FNDC3A: variants seen among roughly 807,000 people sequenced by gnomAD.
The protein encoded by FNDC3A is fibronectin type III domain containing 3A.
A neutral mutation model predicts 148.9 loss-of-function variants in FNDC3A; 32 were observed. The ratio of observed to expected loss-of-function variants is 0.21; its 90% confidence interval spans 0.16 to 0.29. FNDC3A has a LOEUF of 0.29. Among genes scored for constraint, FNDC3A ranks in the 10% least tolerant of loss-of-function variants. The probability of loss-of-function intolerance (pLI) is 1.00; values close to 1 mark genes in which losing one functional copy is unlikely to be tolerated. For synonymous variants in FNDC3A, 472 were observed against 473.6 expected (o/e 1.00, Z 0.04); for missense variants, 1,191 against 1,452.8 (o/e 0.82, Z 2.93).
intron 5 of FNDC3A, among the ~76,000 whole-genome samples, chr13:49,134,841 CTTTTTTTTTTTTTTT>C (rs1168216037): frequency 3.8e-4 from 1 of 2,638 alleles, no homozygotes; most frequent in South Asian, 0.026. Context: ...GAGTTTCACT[CTTTTTTTTTTTTTTT>C]TTTTTTTTTT....
chr13:49,178,683 G>T, intron 14 of FNDC3A, 29 bp downstream of exon 14: 1 of 1,243,368 alleles, frequency 8.0e-7, no homozygotes, highest in Non-Finnish European at 1.1e-6. Flanking sequence ...TAAACGATTT[G>T]TTCCTTGTTC....
In FNDC3A at chr13:49,041,505, A is replaced by T. The variant is rs116961347; in HGVS notation, c.100-33784A>T. Among the ~76,000 whole-genome samples, 687 of 152,350 alleles carry T rather than the reference A, an allele frequency of 4.5e-3. 2 individuals carry two copies. The highest frequency in any genetic ancestry group is 7.7e-3 in the Non-Finnish European group (526 of 68,022). Reference sequence around the variant, plus strand: ...TCTTCAGTTGTTTATTCATTGAACGAAAGTTTATTGAAAACCTATTATTGG... The same window carrying T: ...TCTTCAGTTGTTTATTCATTGAACGTAAGTTTATTGAAAACCTATTATTGG... On this transcript the variant is annotated intron_variant, in intron 2 of 25. Coordinates refer to ENST00000492622, the MANE Select transcript of FNDC3A (RefSeq NM_001079673.2).
At chr13:49,143,361 T>TA (rs141110756) in intron 7 of FNDC3A, among the ~76,000 whole-genome samples, 12,589 of 152,074 alleles carry the variant, frequency 0.083, 701 homozygotes, top group Middle Eastern at 0.13. Flanking sequence ...CCAGTCTCAA[T>TA]AAAAAAATAA....
At chr13:49,084,394 A>G (rs1335061327) in intron 3 of FNDC3A, among the ~76,000 whole-genome samples, 2 of 152,234 alleles carry the variant, frequency 1.3e-5, no homozygotes, top group Non-Finnish European at 2.9e-5. Context: ...ACTGTTATAT[A>G]CCAAAAATAT....
At chr13:48,977,179 AT>A (rs780765850) in intron 1 of FNDC3A, among the ~76,000 whole-genome samples, 8 of 149,780 alleles carry the variant, frequency 5.3e-5, no homozygotes, top group East Asian at 1.9e-4. Context: ...GGCTGATGAG[AT>A]TTTTTTTTTC....
intron 2 of FNDC3A, among the ~76,000 whole-genome samples, chr13:49,074,031 G>T (rs1311285331): frequency 6.6e-6 from 1 of 151,806 alleles, no homozygotes; most frequent in African/African-American, 2.4e-5. Context: ...TAGTAAAAGG[G>T]TGTTCTCATA....
At chr13:49,119,311 G>A (rs919477144) in intron 4 of FNDC3A, among the ~76,000 whole-genome samples, 2 of 152,148 alleles carry the variant, frequency 1.3e-5, no homozygotes, top group African/African-American at 4.8e-5. Flanking sequence ...ACAACATCAA[G>A]AAACACGATG....
At chr13:49,015,002 C>T (rs1368002312) in intron 2 of FNDC3A, among the ~76,000 whole-genome samples, 1 of 151,770 alleles carries the variant, frequency 6.6e-6, no homozygotes. Flanking sequence ...GTTACTGTGG[C>T]CTTGTAGTAT....
intron 3 of FNDC3A, among the ~76,000 whole-genome samples, chr13:49,107,125 C>G (rs898376106): frequency 2.0e-5 from 3 of 152,108 alleles, no homozygotes; most frequent in African/African-American, 7.2e-5. Flanking sequence ...GAAACAGTCA[C>G]TTTAATGACT....
intron 6 of FNDC3A, 141 bp downstream of exon 6, chr13:49,136,742 G>A (rs1882388060): frequency 4.2e-6 from 3 of 714,424 alleles, no homozygotes; most frequent in South Asian, 5.1e-5. Context: ...AGTTTGGAAA[G>A]CCTCAATTAG....
intron 19 of FNDC3A, among the ~76,000 whole-genome samples, chr13:49,195,950 C>T (rs1004510339): frequency 3.3e-5 from 5 of 151,734 alleles, no homozygotes; most frequent in African/African-American, 7.3e-5. Flanking sequence ...AGTGCACACC[C>T]GTAGTCCCAG....
At chr13:48,984,841 C>T (rs902774324) in intron 1 of FNDC3A, among the ~76,000 whole-genome samples, 29 of 152,088 alleles carry the variant, frequency 1.9e-4, no homozygotes, top group Admixed American at 7.2e-4. Context: ...CCCACCACCA[C>T]GCCCAGCTAA....
At chr13:49,145,634 A>G (rs1326905290) in intron 7 of FNDC3A, 144 bp from the exon 8 acceptor site, 1 of 646,932 alleles carries the variant, frequency 1.5e-6, no homozygotes, top group East Asian at 3.0e-5. Context: ...AATTATTTGC[A>G]ATGGGCAGGT....
intron 2 of FNDC3A, among the ~76,000 whole-genome samples, chr13:49,042,633 A>G (rs1223804963): frequency 6.6e-6 from 1 of 152,074 alleles, no homozygotes; most frequent in Admixed American, 6.6e-5. Flanking sequence ...ATAATGAGGT[A>G]TGGTGCTGCA....
chr13:49,155,659 T>G (rs1241796733), intron 8 of FNDC3A, among the ~76,000 whole-genome samples: 1 of 113,590 alleles, frequency 8.8e-6, no homozygotes, highest in Non-Finnish European at 1.8e-5. Flanking sequence ...GGGCATTTAG[T>G]GCTATAAATT....
chr13:49,094,406 G>A (rs1437189529), intron 3 of FNDC3A, among the ~76,000 whole-genome samples: 2 of 152,150 alleles, frequency 1.3e-5, no homozygotes, highest in East Asian at 3.9e-4. Flanking sequence ...AAATAATTCA[G>A]TCTTTCAGTG....
chr13:48,978,966 CTT>C (rs1951651559), intron 1 of FNDC3A, among the ~76,000 whole-genome samples: 3 of 152,196 alleles, frequency 2.0e-5, no homozygotes, highest in Admixed American at 2.0e-4. Flanking sequence ...TCAGTGGTCT[CTT>C]TTTATATCTT....
intron 8 of FNDC3A, among the ~76,000 whole-genome samples, chr13:49,150,982 G>C (rs887072706): frequency 6.6e-6 from 1 of 150,520 alleles, no homozygotes; most frequent in African/African-American, 2.4e-5. Context: ...GACCTGTATT[G>C]TGTACTGACA....
chr13:49,106,515 A>C (rs1012202326), intron 3 of FNDC3A, among the ~76,000 whole-genome samples: 1 of 152,172 alleles, frequency 6.6e-6, no homozygotes. Context: ...GGGTCTCACT[A>C]TGTTGTCAAG....
Sources: allele counts gnomAD v4.1 joint callset (sites outside exome capture counted in the v4.1 genomes callset), GRCh38; gene constraint gnomAD v4.1.1; transcripts MANE v1.5; gene names NCBI Gene and HGNC (gene_info 2026-07-23, HGNC 2026-07-21).